SGCZ: variants seen among roughly 807,000 people sequenced by gnomAD.
SGCZ encodes zeta-sarcoglycan.
SGCZ carries 40 observed loss-of-function variants against 41.3 expected under a neutral mutation model. The ratio of observed to expected loss-of-function variants is 0.97; its 90% CI spans 0.75 to 1.26. The LOEUF (loss-of-function observed/expected upper bound fraction) is 1.26. Ranked by LOEUF, SGCZ falls within the 50% of genes most tolerant of loss-of-function variation. SGCZ has a pLI of 0.00. For missense variants in SGCZ, 552 were observed against 369.8 expected, an observed-to-expected ratio of 1.49 and a Z score of -4.04; for synonymous variants, 206 against 137.5, an observed-to-expected ratio of 1.50 and a Z score of -3.49.
chr8:14,099,980 A>G (rs563774301), intron 7 of SGCZ, among the ~76,000 whole-genome samples: 293 of 152,260 alleles, frequency 1.9e-3, no homozygotes, highest in African/African-American at 6.7e-3. Flanking sequence ...AGATACCTCA[A>G]TACCATGACT....
chr8:14,172,808 C>T (rs902684628), intron 4 of SGCZ, among the ~76,000 whole-genome samples: 1 of 152,082 alleles, frequency 6.6e-6, no homozygotes, highest in Non-Finnish European at 1.5e-5. Flanking sequence ...AGAAAGGGAG[C>T]TGAGCTTACA....
intron 1 of SGCZ, among the ~76,000 whole-genome samples, chr8:15,140,236 G>A (rs943320851): frequency 6.6e-6 from 1 of 152,044 alleles, no homozygotes; most frequent in African/African-American, 2.4e-5. Flanking sequence ...TATTGCCCAG[G>A]CCAGTCTCGG....
At chr8:15,190,269 C>T (rs1382388189) in intron 1 of SGCZ, among the ~76,000 whole-genome samples, 2 of 152,046 alleles carry the variant, frequency 1.3e-5, no homozygotes, top group East Asian at 1.9e-4. Flanking sequence ...CCATCATCTG[C>T]GTAGAACAAC....
At chr8:14,818,008 A>G (rs540444971) in intron 1 of SGCZ, among the ~76,000 whole-genome samples, 8 of 152,244 alleles carry the variant, frequency 5.3e-5, no homozygotes, top group Admixed American at 1.3e-4. Flanking sequence ...ACTTATCCCA[A>G]TAGTCTGTAT....
chr8:14,757,085 G>C (rs557598093), intron 1 of SGCZ, among the ~76,000 whole-genome samples: 36 of 152,144 alleles, frequency 2.4e-4, no homozygotes, highest in Admixed American at 2.2e-3. Context: ...CTCTTGGTCT[G>C]TCACCTAGGC....
intron 1 of SGCZ, among the ~76,000 whole-genome samples, chr8:14,634,959 C>T (rs1806779952): frequency 1.3e-5 from 2 of 151,490 alleles, no homozygotes; most frequent in African/African-American, 4.8e-5. Context: ...ATAATTGATG[C>T]ATTATGATAT....
rs550085639 is a variant in SGCZ at position 15,019,573 on chromosome 8, G to C, written c.39+218012C>G. Among the ~76,000 whole-genome samples the C allele has an allele frequency of 1.7e-3, 259 of 151,910 alleles. 1 individual carries two copies. The highest frequency in any genetic ancestry group is 5.8e-3 in the African/African-American group (240 of 41,426). On this transcript the variant is annotated intron_variant, in intron 1 of 7. Transcript: ENST00000382080. ...CAGTCCCTTCCTTTCAGCTTTTCTT[G>C]CCTGCTTGGCTTCAACAGGCTTACA...
intron 1 of SGCZ, among the ~76,000 whole-genome samples, chr8:15,070,447 C>T (rs1190749897): frequency 6.6e-6 from 1 of 152,056 alleles, no homozygotes; most frequent in Non-Finnish European, 1.5e-5. Flanking sequence ...AGCATTTATC[C>T]ACATAAAATG....
intron 2 of SGCZ, among the ~76,000 whole-genome samples, chr8:14,378,598 C>T (rs1298104840): frequency 6.6e-6 from 1 of 152,100 alleles, no homozygotes; most frequent in African/African-American, 2.4e-5. Flanking sequence ...AAACAAACAA[C>T]CCCATCAAAA....
chr8:14,338,992 T>A (rs187365769), intron 2 of SGCZ, among the ~76,000 whole-genome samples: 8 of 152,164 alleles, frequency 5.3e-5, no homozygotes, highest in African/African-American at 1.9e-4. Context: ...AAAAATGAAA[T>A]TGAACTTTAA....
chr8:14,573,285 C>T (rs542851366), intron 1 of SGCZ, among the ~76,000 whole-genome samples: 11 of 151,220 alleles, frequency 7.3e-5, no homozygotes, highest in Admixed American at 1.3e-4. Flanking sequence ...GCAAGCTCCG[C>T]CTCCCGGGTT....
intron 1 of SGCZ, among the ~76,000 whole-genome samples, chr8:14,784,901 T>TAAAA (rs1585257668): frequency 1.4e-3 from 4 of 2,894 alleles, no homozygotes; most frequent in African/African-American, 4.1e-3. Flanking sequence ...AAACTCTGCC[T>TAAAA]CAAAAAAAAA....
chr8:14,786,735 G>T (rs898607314), intron 1 of SGCZ, among the ~76,000 whole-genome samples: 70 of 150,980 alleles, frequency 4.6e-4, no homozygotes, highest in Non-Finnish European at 1.2e-4. Context: ...AGGGAATCAT[G>T]AAATTACAAT....
chr8:15,064,158 C>T (rs1405904311), intron 1 of SGCZ, among the ~76,000 whole-genome samples: 1 of 152,138 alleles, frequency 6.6e-6, no homozygotes, highest in African/African-American at 2.4e-5. Flanking sequence ...ATGGCCATGA[C>T]ATGACCCATA....
At chr8:15,223,652 C>T (rs955409752) in intron 1 of SGCZ, among the ~76,000 whole-genome samples, 6 of 152,048 alleles carry the variant, frequency 3.9e-5, no homozygotes, top group African/African-American at 1.4e-4. Flanking sequence ...AATATCTAAC[C>T]TGGATCCATG....
intron 1 of SGCZ, among the ~76,000 whole-genome samples, chr8:15,069,457 G>T (rs571703576): frequency 1.2e-4 from 19 of 152,278 alleles, no homozygotes; most frequent in African/African-American, 4.6e-4. Context: ...TATACCTCAA[G>T]ATTTTCAAGA....
chr8:15,146,115 T>C (rs1003918670), intron 1 of SGCZ, among the ~76,000 whole-genome samples: 1 of 150,078 alleles, frequency 6.7e-6, no homozygotes. Context: ...CAATTTGAAA[T>C]AAATGAATGA....
chr8:14,253,447 G>C (rs1191482911), intron 3 of SGCZ, among the ~76,000 whole-genome samples: 7 of 152,072 alleles, frequency 4.6e-5, no homozygotes, highest in East Asian at 1.9e-4. Flanking sequence ...TTCCTTGAAA[G>C]ACTAGTTGAC....
At chr8:14,441,203 A>G (rs188915187) in intron 2 of SGCZ, among the ~76,000 whole-genome samples, 34 of 152,272 alleles carry the variant, frequency 2.2e-4, no homozygotes, top group Non-Finnish European at 4.4e-5. Context: ...GTAAACTTTA[A>G]ATCATCTCCC....
Sources: gnomAD v4.1 joint callset for allele counts (sites outside exome capture counted in the v4.1 genomes callset) on GRCh38, gnomAD v4.1.1 for gene constraint, MANE v1.5 for transcripts, NCBI Gene and HGNC (gene_info 2026-07-23, HGNC 2026-07-21) for gene names.